DIABLO: variants seen among roughly 807,000 people sequenced by gnomAD.
DIABLO encodes diablo IAP-binding mitochondrial protein, also known as diablo homolog, mitochondrial.
Under a neutral mutation model 31.7 loss-of-function variants are expected in DIABLO, and 32 were observed. The ratio of observed to expected loss-of-function variants is 1.01; its 90% confidence interval spans 0.76 to 1.35. The LOEUF is 1.35. Ranked by LOEUF, DIABLO falls within the 40% of genes most tolerant of loss-of-function variation. The probability of loss-of-function intolerance (pLI) is 0.00; values close to 1 mark genes in which losing one functional copy is unlikely to be tolerated. For missense variants in DIABLO, 316 were observed against 286.4 expected, an observed-to-expected ratio of 1.10 and a Z score of -0.75; for synonymous variants, 132 against 103.2, an observed-to-expected ratio of 1.28 and a Z score of -1.69.
At position 122,224,514 on chromosome 12, in the gene DIABLO, G is replaced by C. The variant is rs748380207; in HGVS notation, c.181C>G (p.Gln61Glu). 3.1e-6 allele frequency: 5 copies of C among 1,613,726 alleles called. No homozygotes were observed. In the Admixed American group the frequency reaches 8.3e-5, roughly 27 times the overall value. Residue 61 changes from glutamine (Q) to glutamate (E), a missense_variant and splice_region_variant, in exon 2 of 6, where the codon CAG (glutamine) becomes GAG (glutamate). Gln to Glu is a conservative substitution (Grantham distance 29). Coordinates refer to ENST00000464942, the MANE Select transcript of DIABLO (RefSeq NM_001371333.1). ...AGAATCACTGCACACGACAGTACCTGTGCAATAGGAACCGCACACAGGGTT... is the reference window on the plus strand; with the variant it reads ...AGAATCACTGCACACGACAGTACCTCTGCAATAGGAACCGCACACAGGGTT... The part of the protein sequence containing the change: ...GVTLCAVPIA[Q>E]KSEPHSLSSE...
In DIABLO at chr12:122,218,299, A is replaced by G. The variant is rs745841502; in HGVS notation, c.282T>C (p.Tyr94=). 4 of 1,614,026 alleles carry G rather than the reference A, an allele frequency of 2.5e-6. No homozygotes were observed. The highest frequency in any genetic ancestry group is 1.1e-5 in the South Asian group (1 of 91,086). Residue 94 remains tyrosine, a synonymous_variant, in exon 3 of 6, where the codon TAT becomes TAC. Coordinates refer to ENST00000464942, the MANE Select transcript of DIABLO (RefSeq NM_001371333.1). ...STSTFLSQTT[Y]ALIEAITEYT... ...ATTCAGTAATAGCTTCAATCAACGC[A>G]TATGTGGTCTGAGAGAGAAAGGTAG...
intron 5 of DIABLO, among the ~76,000 whole-genome samples, chr12:122,213,809 G>A (rs1201169839): frequency 6.6e-6 from 1 of 152,122 alleles, no homozygotes; most frequent in Non-Finnish European, 1.5e-5. Flanking sequence ...TCTGGGCCAA[G>A]CGCAGTGGCT....
In DIABLO at chr12:122,207,858, T is replaced by G; in HGVS notation, c.*523A>C. 2.2e-6 allele frequency: 1 copy of G among 460,778 alleles called. No individual in the cohort carries two copies. Among genetic ancestry groups the G allele is most frequent in the South Asian group, 1.5e-5 (1 of 64,532 alleles). 28.5% of individuals were successfully genotyped at this position (460,778 alleles called of 1,614,324 possible). A position where few individuals can be genotyped will look rare whatever the true frequency, so the allele number is the denominator to read the frequency against. On this transcript the variant is annotated 3_prime_UTR_variant, in exon 6 of 6. Coordinates refer to ENST00000464942, the MANE Select transcript of DIABLO (RefSeq NM_001371333.1). ...CTCTTAGTAGTAATAGGTTTTTCAC[T>G]CCTTGGCCTCAGCTGTCCTCACAGG...
In DIABLO at chr12:122,218,341, C is replaced by G. The variant is rs147316018; in HGVS notation, c.240G>C (p.Leu80Phe). The G allele has an allele frequency of 8.1e-6, 13 of 1,613,980 alleles. No individual in the cohort carries two copies. The African/African-American group carries it at 1.1e-4, about 13-fold the overall frequency. Residue 80 changes from leucine (L) to phenylalanine (F), a missense_variant, in exon 3 of 6, where the codon TTG becomes TTC. By Grantham distance (22) the Leu-to-Phe change is conservative. Coordinates refer to ENST00000464942, the MANE Select transcript of DIABLO (RefSeq NM_001371333.1). ...SEALMRRAVS[L>F]VTDSTSTFLS... ...GAAAGGTAGAGGTGCTATCTGTTACCAAAGACACTGCTCTCCTCATCAATG... is the reference window on the plus strand; with the variant it reads ...GAAAGGTAGAGGTGCTATCTGTTACGAAAGACACTGCTCTCCTCATCAATG...
At chr12:122,210,144 G>T (rs1337716492) in intron 5 of DIABLO, among the ~76,000 whole-genome samples, 1 of 152,128 alleles carries the variant, frequency 6.6e-6, no homozygotes, top group Non-Finnish European at 1.5e-5. Flanking sequence ...ATTTTGAAGT[G>T]ATACTGAGCT....
chr12:122,210,915 C>T (rs965498868), intron 5 of DIABLO, among the ~76,000 whole-genome samples: 1 of 150,642 alleles, frequency 6.6e-6, no homozygotes, highest in Non-Finnish European at 1.5e-5. Context: ...TGGTGTGCAC[C>T]TGTAATCCCA....
chr12:122,223,502 C>T (rs1026099536), intron 2 of DIABLO, among the ~76,000 whole-genome samples: 6 of 152,040 alleles, frequency 3.9e-5, no homozygotes, highest in Non-Finnish European at 8.8e-5. Flanking sequence ...CAACAATGGC[C>T]CACAAAATAC....
chr12:122,226,289 C>T, upstream of DIABLO: 1 of 674,080 alleles, frequency 1.5e-6, no homozygotes, highest in South Asian at 1.6e-5. Context: ...GGAGCTGAGT[C>T]GGGCGCCGTG....
At chr12:122,216,122 A>G (rs564614940) in intron 5 of DIABLO, among the ~76,000 whole-genome samples, 1 of 152,214 alleles carries the variant, frequency 6.6e-6, no homozygotes, top group African/African-American at 2.4e-5. Flanking sequence ...AAAGGTTCAC[A>G]TAGATTACTC....
At chr12:122,216,397 G>T in intron 5 of DIABLO, 91 bp downstream of exon 5, 1 of 1,094,986 alleles carries the variant, frequency 9.1e-7, no homozygotes, top group Non-Finnish European at 1.4e-6. Context: ...TTACTATAAA[G>T]CCCTCATTTT....
Position 122,218,371 on chromosome 12 carries a change from A to C in DIABLO, c.210T>G (p.Ser70Arg), listed in dbSNP as rs1270710514. The change falls in exon 3 of 6, where the codon AGT becomes AGG. Residue 70 changes from serine (S) to arginine (R), a missense_variant. Physicochemically the swap from Ser to Arg is moderately radical, Grantham distance 110 (BLOSUM62 -1). Transcript: ENST00000464942. Reference protein sequence around the residue: ...AQKSEPHSLSSEALMRRAVSL... With the variant: ...AQKSEPHSLSREALMRRAVSL... ...ACACTGCTCTCCTCATCAATGCTTC[A>C]CTACTAAGGGAATGAGGCTCTGATT... 1 of 1,614,160 alleles carries C rather than the reference A, an allele frequency of 6.2e-7. No homozygotes were observed. The highest frequency in any genetic ancestry group is 8.5e-7 in the Non-Finnish European group (1 of 1,180,016).
chr12:122,214,975 G>C (rs1451753583), intron 5 of DIABLO, among the ~76,000 whole-genome samples: 1 of 152,144 alleles, frequency 6.6e-6, no homozygotes, highest in East Asian at 1.9e-4. Flanking sequence ...AAAGTGCTGG[G>C]ATTATAGGCA....
intron 2 of DIABLO, 88 bp from the exon 3 acceptor site, chr12:122,218,485 T>G: frequency 6.4e-7 from 1 of 1,558,954 alleles, no homozygotes; most frequent in Non-Finnish European, 8.8e-7. Context: ...GTAATTGTCA[T>G]GCTGCTTAGT....
At chr12:122,223,429 T>C (rs1331170309) in intron 2 of DIABLO, among the ~76,000 whole-genome samples, 1 of 138,902 alleles carries the variant, frequency 7.2e-6, no homozygotes, top group Non-Finnish European at 1.6e-5. Flanking sequence ...TGAGACTCTG[T>C]CTTTAAAAAA....
intron 3 of DIABLO, chr12:122,217,589 A>T (rs1954243942): frequency 6.5e-6 from 1 of 154,766 alleles, no homozygotes; most frequent in African/African-American, 2.4e-5. Flanking sequence ...TTCATAGCTC[A>T]CTGTAATCTC....
Position 122,208,118 on chromosome 12 carries a change from T to TAA in DIABLO, c.*261_*262dup, listed in dbSNP as rs138260989. 2.1e-5 allele frequency: 14 copies of TAA among 658,924 alleles called. No homozygotes were observed. The highest frequency in any genetic ancestry group is 3.6e-5 in the African/African-American group (2 of 56,192). 40.8% of individuals were successfully genotyped at this position (658,924 alleles called of 1,614,324 possible). ...TAGGCAAAATGCTTTGGGTGTGAGGTAAAAAAAATGGGTAAGAGCAGCTGT... is the reference window on the plus strand; with the variant it reads ...TAGGCAAAATGCTTTGGGTGTGAGGTAAAAAAAAAATGGGTAAGAGCAGCTGT... On this transcript the variant is annotated 3_prime_UTR_variant, in exon 6 of 6. Coordinates refer to ENST00000464942, the MANE Select transcript of DIABLO (RefSeq NM_001371333.1).
At chr12:122,208,697 A>ACCTC (rs772280269) in intron 5 of DIABLO, 120 bp from the exon 6 acceptor site, 3 of 955,184 alleles carry the variant, frequency 3.1e-6, no homozygotes, top group Non-Finnish European at 3.2e-6. Context: ...ACTTTCCTTG[A>ACCTC]CCTCCCTGTC....
At position 122,208,229 on chromosome 12, in the gene DIABLO, C is replaced by T. The variant is rs372571210; in HGVS notation, c.*152G>A. The T allele has an allele frequency of 1.7e-4, 148 of 883,044 alleles. No homozygotes were observed. In the East Asian group the frequency reaches 3.4e-3, roughly 20 times the overall value. 54.7% of individuals were successfully genotyped at this position (883,044 alleles called of 1,614,324 possible). On this transcript the variant is annotated 3_prime_UTR_variant, in exon 6 of 6. Coordinates refer to ENST00000464942, the MANE Select transcript of DIABLO (RefSeq NM_001371333.1). ...CGCAAGCCTGAGACCACAGGAGGCA[C>T]TCACAGCTCACAAAGGCGTCTCGCC...
intron 5 of DIABLO, among the ~76,000 whole-genome samples, chr12:122,210,552 T>C (rs960150615): frequency 6.6e-6 from 1 of 151,690 alleles, no homozygotes; most frequent in Non-Finnish European, 1.5e-5. Context: ...TATTTATTTT[T>C]TTTATTTTAG....
Sources: gnomAD v4.1 joint callset for allele counts (sites outside exome capture counted in the v4.1 genomes callset) on GRCh38, gnomAD v4.1.1 for gene constraint, MANE v1.5 for transcripts, NCBI Gene and HGNC (gene_info 2026-07-23, HGNC 2026-07-21) for gene names.